SYN2: variants seen among roughly 807,000 people sequenced by gnomAD.
SYN2 encodes synapsin II.
Under a neutral mutation model 50.9 loss-of-function variants are expected in SYN2, and 19 were observed. The ratio of observed to expected loss-of-function variants is 0.37; its 90% CI spans 0.26 to 0.55. The LOEUF (loss-of-function observed/expected upper bound fraction) is 0.55, where lower values mean the gene tolerates loss of function less well. SYN2 is among the 20% of genes least tolerant of loss of function. The probability of loss-of-function intolerance (pLI) is 0.81; values close to 1 mark genes in which losing one functional copy is unlikely to be tolerated. For missense variants in SYN2, 587 were observed against 576.4 expected, an observed-to-expected ratio of 1.02 and a Z score of -0.19; for synonymous variants, 255 against 224.9, an observed-to-expected ratio of 1.13 and a Z score of -1.20.
intron 5 of SYN2, chr3:12,158,550 C>T (rs2125232543): frequency 8.6e-7 from 1 of 1,160,066 alleles, no homozygotes; most frequent in Non-Finnish European, 1.2e-6. Flanking sequence ...TGCTATGGCG[C>T]CTGGTCCTTC....
chr3:12,148,867 T>A (rs1319691029), intron 4 of SYN2, among the ~76,000 whole-genome samples: 1 of 152,228 alleles, frequency 6.6e-6, no homozygotes, highest in East Asian at 1.9e-4. Flanking sequence ...ATCTTCCTAT[T>A]AATTGCCAAC....
intron 1 of SYN2, among the ~76,000 whole-genome samples, chr3:12,072,449 G>A (rs1264652996): frequency 6.6e-6 from 1 of 152,132 alleles, no homozygotes; most frequent in Non-Finnish European, 1.5e-5. Context: ...GAATTTTATA[G>A]ATTTAGCTCT....
chr3:12,071,935 G>A (rs1695362413), intron 1 of SYN2, among the ~76,000 whole-genome samples: 1 of 152,128 alleles, frequency 6.6e-6, no homozygotes, highest in South Asian at 2.1e-4. Context: ...ACCTGTAAAT[G>A]TATTAATCCT....
chr3:12,127,131 G>C (rs1480406632), intron 1 of SYN2, among the ~76,000 whole-genome samples: 1 of 152,176 alleles, frequency 6.6e-6, no homozygotes, highest in Non-Finnish European at 1.5e-5. Context: ...CCAAACACTA[G>C]GGGTAAAAAT....
At chr3:12,130,797 G>C (rs1308393277) in intron 1 of SYN2, among the ~76,000 whole-genome samples, 2 of 152,172 alleles carry the variant, frequency 1.3e-5, no homozygotes, top group Non-Finnish European at 2.9e-5. Context: ...GAGGAGAAAA[G>C]AGACACAAAT....
intron 1 of SYN2, among the ~76,000 whole-genome samples, chr3:12,111,145 G>T (rs1029621199): frequency 6.6e-6 from 1 of 152,192 alleles, no homozygotes; most frequent in African/African-American, 2.4e-5. Context: ...CAGGGGGGCA[G>T]ATCTTTCCTG....
At chr3:12,149,004 G>A (rs1427935533) in intron 4 of SYN2, among the ~76,000 whole-genome samples, 3 of 152,168 alleles carry the variant, frequency 2.0e-5, no homozygotes, top group East Asian at 3.9e-4. Flanking sequence ...GGGAGCTATG[G>A]GTTAGATGCC....
intron 1 of SYN2, among the ~76,000 whole-genome samples, chr3:12,127,682 G>A (rs1017563539): frequency 1.3e-5 from 2 of 152,182 alleles, no homozygotes; most frequent in Admixed American, 6.5e-5. Flanking sequence ...CCAAAGTATT[G>A]TTGCCTTGAG....
intron 5 of SYN2, among the ~76,000 whole-genome samples, chr3:12,158,215 A>G (rs1478972642): frequency 6.6e-6 from 1 of 152,176 alleles, no homozygotes; most frequent in East Asian, 1.9e-4. Context: ...GATGAGTAGG[A>G]GTCTGCCAGG....
chr3:12,117,595 C>T (rs1044947918), intron 1 of SYN2, among the ~76,000 whole-genome samples: 1 of 152,128 alleles, frequency 6.6e-6, no homozygotes, highest in African/African-American at 2.4e-5. Flanking sequence ...CCCAACTCAC[C>T]CTCCCAAATA....
intron 1 of SYN2, among the ~76,000 whole-genome samples, chr3:12,023,449 A>C (rs1003233853): frequency 4.6e-5 from 7 of 152,012 alleles, no homozygotes; most frequent in Non-Finnish European, 7.4e-5. Context: ...GCTTTTCATC[A>C]TGTTAAATGA....
At chr3:12,159,058 G>C in intron 5 of SYN2, 1 of 589,442 alleles carries the variant, frequency 1.7e-6, no homozygotes, top group African/African-American at 2.0e-5. Flanking sequence ...AAGATGCAGA[G>C]GGAAGCCTGG....
intron 1 of SYN2, among the ~76,000 whole-genome samples, chr3:12,065,994 G>C (rs184268084): frequency 6.6e-6 from 1 of 152,284 alleles, no homozygotes; most frequent in East Asian, 1.9e-4. Flanking sequence ...GTGGGGATGA[G>C]GCATTAGGAG....
chr3:12,153,785 T>A (rs1264418153), intron 5 of SYN2: 3 of 1,528,794 alleles, frequency 2.0e-6, no homozygotes, highest in Middle Eastern at 1.7e-4. Context: ...TTCAGATTCC[T>A]ACGTACCTTT....
intron 1 of SYN2, among the ~76,000 whole-genome samples, chr3:12,064,567 G>A (rs551625708): frequency 6.6e-6 from 1 of 152,080 alleles, no homozygotes; most frequent in East Asian, 1.9e-4. Flanking sequence ...AAGGGGCAAA[G>A]GATTTGAATA....
chr3:12,157,375 C>G (rs1310055552), intron 5 of SYN2: 1 of 1,613,652 alleles, frequency 6.2e-7, no homozygotes, highest in Admixed American at 1.7e-5. Context: ...CCCAGCCTGC[C>G]CCCATGTACC....
At chr3:12,026,311 A>T (rs906056466) in intron 1 of SYN2, among the ~76,000 whole-genome samples, 3 of 152,150 alleles carry the variant, frequency 2.0e-5, no homozygotes, top group Non-Finnish European at 4.4e-5. Context: ...ACTATAATAG[A>T]TGATACTAGA....
At chr3:12,153,509 T>G in intron 5 of SYN2, 1 of 1,612,874 alleles carries the variant, frequency 6.2e-7, no homozygotes, top group Non-Finnish European at 8.5e-7. Context: ...TGGTCACTGG[T>G]CCCTACTAGG....
chr3:12,089,748 T>C (rs1430697378), intron 1 of SYN2, among the ~76,000 whole-genome samples: 1 of 152,146 alleles, frequency 6.6e-6, no homozygotes, highest in Non-Finnish European at 1.5e-5. Context: ...GAAGGCATTG[T>C]CTAGGGGGAG....
Sources: allele counts gnomAD v4.1 joint callset (sites outside exome capture counted in the v4.1 genomes callset), GRCh38; gene constraint gnomAD v4.1.1; transcripts MANE v1.5; gene names NCBI Gene and HGNC (gene_info 2026-07-23, HGNC 2026-07-21).